The following MTCL1 variants were observed in gnomAD, a reference collection of about 807,000 sequenced individuals.
The protein encoded by MTCL1 is microtubule crosslinking factor 1.
A neutral mutation model predicts 141.4 loss-of-function variants in MTCL1; 79 were observed. The ratio of observed to expected loss-of-function variants is 0.56; its 90% CI spans 0.47 to 0.67. The LOEUF is 0.67. MTCL1 is among the 30% of genes least tolerant of loss of function. The pLI, the probability that MTCL1 is intolerant of heterozygous loss-of-function variation, is 0.00. For synonymous variants in MTCL1, 914 were observed against 875.8 expected (o/e 1.04, Z -0.77); for missense variants, 2,177 against 2,113.9 (o/e 1.03, Z -0.59).
At chr18:8,730,078 C>T (rs893392493) in intron 4 of MTCL1, among the ~76,000 whole-genome samples, 2 of 152,170 alleles carry the variant, frequency 1.3e-5, no homozygotes, top group African/African-American at 4.8e-5. Flanking sequence ...CATCGAATTA[C>T]TTTTGCATTG....
intron 7 of MTCL1, among the ~76,000 whole-genome samples, chr18:8,791,347 G>C (rs1042673462): frequency 2.0e-5 from 3 of 151,642 alleles, no homozygotes; most frequent in Non-Finnish European, 2.9e-5. Context: ...GTTTGGTCCG[G>C]GAATCCCCAA....
Position 8,783,674 on chromosome 18 carries a change from G to C in MTCL1, c.562G>C (p.Asp188His), listed in dbSNP as rs921145575. Reference sequence around the variant, plus strand: ...GTACAAGTCCCTCTATGGGGATGTGGACAGTCCCCTGCCCACGGGGGAAGC... The same window carrying C: ...GTACAAGTCCCTCTATGGGGATGTGCACAGTCCCCTGCCCACGGGGGAAGC... Residue 188 changes from aspartate to histidine, a missense_variant, in exon 6 of 17, where the codon GAC becomes CAC. Physicochemically the swap from Asp to His is moderately conservative, Grantham distance 81 (BLOSUM62 -1). Coordinates refer to ENST00000359865, the Ensembl canonical transcript of MTCL1. 26 of 1,611,856 alleles carry C rather than the reference G, an allele frequency of 1.6e-5. No homozygotes were observed. Among genetic ancestry groups the C allele is most frequent in the Non-Finnish European group, 2.2e-5 (26 of 1,178,956 alleles).
chr18:8,723,319 C>T (rs1442216246), intron 4 of MTCL1, among the ~76,000 whole-genome samples: 1 of 152,166 alleles, frequency 6.6e-6, no homozygotes, highest in Non-Finnish European at 1.5e-5. Context: ...GTTCTTTTTG[C>T]AAAAGCCAGT....
Position 8,813,128 on chromosome 18 carries a change from C to T in MTCL1, c.2754C>T (p.Ser918=), listed in dbSNP as rs768641614. ...ACCTGCGCTGGCAGATCCATCACAGCGAGAAGAACTGGAACCGGGAGAAGG... is the reference window on the plus strand; with the variant it reads ...ACCTGCGCTGGCAGATCCATCACAGTGAGAAGAACTGGAACCGGGAGAAGG... The change falls in exon 12 of 17, where the codon AGC becomes AGT. Residue 918 remains serine (S), a synonymous_variant. Coordinates refer to ENST00000359865, the Ensembl canonical transcript of MTCL1. The T allele has an allele frequency of 5.0e-6, 8 of 1,613,994 alleles. No individual in the cohort carries two copies. Among genetic ancestry groups the T allele is most frequent in the African/African-American group, 2.7e-5 (2 of 74,908 alleles).
Position 8,822,432 on chromosome 18 carries a change from C to T in MTCL1, c.3188+934C>T, listed in dbSNP as rs1456053013. Among the ~76,000 whole-genome samples the T allele has an allele frequency of 6.6e-6, 1 of 152,228 alleles. No individual in the cohort carries two copies. The highest frequency in any genetic ancestry group is 1.5e-5 in the Non-Finnish European group (1 of 68,034). On this transcript the variant is annotated intron_variant, in intron 14 of 16. Coordinates refer to ENST00000359865, the Ensembl canonical transcript of MTCL1. The surrounding 1 kb of genome is among the most constrained non-coding windows in gnomAD (Gnocchi z 4.6). ...TCAGCCTCCCAAGTAGCTGGGATTA[C>T]AGGCAAACCCCACCATACCCGGCTA...
intron 4 of MTCL1, among the ~76,000 whole-genome samples, chr18:8,757,730 C>T: frequency 6.6e-6 from 1 of 152,104 alleles, no homozygotes; most frequent in East Asian, 1.9e-4. Flanking sequence ...GTATTGTCAT[C>T]TAATAAAGGT....
intron 4 of MTCL1, among the ~76,000 whole-genome samples, chr18:8,748,183 A>G (rs1432361430): frequency 6.6e-6 from 1 of 151,926 alleles, no homozygotes; most frequent in Non-Finnish European, 1.5e-5. Flanking sequence ...AGGTGCCCAG[A>G]CCTCACACCA....
At chr18:8,813,326 C>T in intron 12 of MTCL1, 93 bp downstream of exon 11, 1 of 1,416,586 alleles carries the variant, frequency 7.1e-7, no homozygotes, top group East Asian at 2.5e-5. Context: ...GCTTCATGGT[C>T]CTTGCAGCAT....
intron 4 of MTCL1, among the ~76,000 whole-genome samples, chr18:8,772,591 T>C (rs1233321000): frequency 6.6e-6 from 1 of 150,682 alleles, no homozygotes; most frequent in Non-Finnish European, 1.5e-5. Context: ...ATGTTATATA[T>C]TATTATGTTA....
At chr18:8,724,967 C>CT (rs11336536) in intron 4 of MTCL1, among the ~76,000 whole-genome samples, 8,410 of 145,772 alleles carry the variant, frequency 0.058, 307 homozygotes, top group African/African-American at 0.095. Flanking sequence ...CAATTTTCAT[C>CT]TTTTTTTTTT....
At chr18:8,729,477 T>C (rs541514733) in intron 4 of MTCL1, among the ~76,000 whole-genome samples, 3 of 151,790 alleles carry the variant, frequency 2.0e-5, no homozygotes, top group Non-Finnish European at 2.9e-5. Flanking sequence ...ACTCGTGATG[T>C]ACTGCCACCT....
intron 4 of MTCL1, among the ~76,000 whole-genome samples, chr18:8,775,882 A>G (rs2096505842): frequency 6.6e-6 from 1 of 152,014 alleles, no homozygotes; most frequent in South Asian, 2.1e-4. Flanking sequence ...TCTATTTTAT[A>G]TTTTCCGGGT....
intron 4 of MTCL1, among the ~76,000 whole-genome samples, chr18:8,770,628 C>CACAT (rs10686866): frequency 0.03 from 4,638 of 152,252 alleles, 86 homozygotes; most frequent in South Asian, 0.056. Context: ...TTAGGGCTTC[C>CACAT]ACATAGGAAT....
At chr18:8,785,241 C>T (rs374162225) in intron 6 of MTCL1, among the ~76,000 whole-genome samples, 3 of 152,138 alleles carry the variant, frequency 2.0e-5, no homozygotes, top group African/African-American at 4.8e-5. Flanking sequence ...CTAAGACAAA[C>T]GCATGTCACA....
At position 8,826,232 on chromosome 18, in the gene MTCL1, G is replaced by A; in HGVS notation, c.4722G>A (p.Glu1574=). Residue 1574 remains glutamate (E), a splice_region_variant and synonymous_variant, in exon 15 of 17, where the codon GAG becomes GAA. Coordinates refer to ENST00000359865, the Ensembl canonical transcript of MTCL1. Reference sequence around the variant, plus strand: ...ACACAGCCGAGCCAGGGCCCATGGAGGTAATGAATGCTGAGTGCCCCACAC... The same window carrying A: ...ACACAGCCGAGCCAGGGCCCATGGAAGTAATGAATGCTGAGTGCCCCACAC... 1 of 1,586,692 alleles carries A rather than the reference G, an allele frequency of 6.3e-7. No individual in the cohort carries two copies. The highest frequency in any genetic ancestry group is 8.6e-7 in the Non-Finnish European group (1 of 1,166,116).
chr18:8,776,722 GTTATTTATTTATTTATTTATTTAT>G (rs140591538), intron 4 of MTCL1, among the ~76,000 whole-genome samples: 36 of 142,776 alleles, frequency 2.5e-4, no homozygotes, highest in Non-Finnish European at 3.8e-4. Flanking sequence ...GGAAACACTA[GTTATTTATTTATTTATTTATTTAT>G]TTATTTATTT....
At chr18:8,780,661 T>C (rs551598439) in intron 5 of MTCL1, among the ~76,000 whole-genome samples, 4 of 152,364 alleles carry the variant, frequency 2.6e-5, no homozygotes, top group Admixed American at 2.0e-4. Flanking sequence ...TCCATTTCCA[T>C]TGATAGATAT....
At chr18:8,793,162 T>C in intron 8 of MTCL1, 42 bp downstream of exon 7, 1 of 1,607,900 alleles carries the variant, frequency 6.2e-7, no homozygotes. Context: ...CTTTGTGAAC[T>C]GCAGAGCCCC....
rs1006841275 is a variant in MTCL1 at position 8,826,238 on chromosome 18, G to A, written c.4722+6G>A. Reference sequence around the variant, plus strand: ...CCGAGCCAGGGCCCATGGAGGTAATGAATGCTGAGTGCCCCACACCCTTCC... The same window carrying A: ...CCGAGCCAGGGCCCATGGAGGTAATAAATGCTGAGTGCCCCACACCCTTCC... On this transcript the variant is annotated splice_donor_region_variant and intron_variant, in intron 15 of 16. Transcript: ENST00000359865. 7.6e-6 allele frequency: 12 copies of A among 1,579,550 alleles called. No homozygotes were observed. Among genetic ancestry groups the A allele is most frequent in the African/African-American group, 4.0e-5 (3 of 74,444 alleles).
Sources: allele counts gnomAD v4.1 joint callset (sites outside exome capture counted in the v4.1 genomes callset), GRCh38; gene constraint gnomAD v4.1.1; non-coding constraint Gnocchi (gnomAD v3.1); transcripts MANE v1.5; gene names NCBI Gene and HGNC (gene_info 2026-07-23, HGNC 2026-07-21).